ADGRL3: variants seen among roughly 807,000 people sequenced by gnomAD.
ADGRL3 encodes the protein calcium-independent alpha-latrotoxin receptor 3.
Under a neutral mutation model 153.5 loss-of-function variants are expected in ADGRL3, and 62 were observed. The observed-to-expected ratio is 0.40, with a 90% confidence interval of 0.33 to 0.50. The LOEUF (loss-of-function observed/expected upper bound fraction) is 0.50. Ranked by LOEUF, ADGRL3 falls within the 20% of genes least tolerant of loss-of-function variation. The pLI is 0.47. For missense variants in ADGRL3, 1,641 were observed against 1,859.4 expected (o/e 0.88, Z 2.16); for synonymous variants, 710 against 672.5 (o/e 1.06, Z -0.86).
chr4:61,261,682 G>C (rs957400095), intron 1 of ADGRL3, among the ~76,000 whole-genome samples: 1 of 152,080 alleles, frequency 6.6e-6, no homozygotes, highest in Non-Finnish European at 1.5e-5. Context: ...AGAGACAAAT[G>C]ATTAAAGAAA....
chr4:61,431,402 C>T (rs2097353984), intron 2 of ADGRL3, among the ~76,000 whole-genome samples: 1 of 152,154 alleles, frequency 6.6e-6, no homozygotes, highest in Non-Finnish European at 1.5e-5. Context: ...CTTTCAGAGG[C>T]TGAACGCTCA....
At chr4:61,398,123 A>G (rs1445690672) in intron 2 of ADGRL3, among the ~76,000 whole-genome samples, 1 of 151,944 alleles carries the variant, frequency 6.6e-6, no homozygotes, top group Non-Finnish European at 1.5e-5. Flanking sequence ...ACAATGTCTC[A>G]CTGAAACTGC....
chr4:61,388,455 C>T (rs1033198711), intron 2 of ADGRL3, among the ~76,000 whole-genome samples: 4 of 152,156 alleles, frequency 2.6e-5, no homozygotes, highest in Non-Finnish European at 4.4e-5. Context: ...AAATCCTATG[C>T]AGTAACATCA....
At chr4:61,546,308 T>C (rs2148718633) in intron 4 of ADGRL3, among the ~76,000 whole-genome samples, 1 of 152,352 alleles carries the variant, frequency 6.6e-6, no homozygotes, top group South Asian at 2.1e-4. Context: ...ACTATATGTC[T>C]GTATTACACC....
chr4:61,714,897 AG>A (rs1192410002), intron 6 of ADGRL3, among the ~76,000 whole-genome samples: 2 of 152,134 alleles, frequency 1.3e-5, no homozygotes, highest in Non-Finnish European at 2.9e-5. Context: ...TCAACTTTTT[AG>A]GGGATCCCAA....
At chr4:61,483,433 CTG>C (rs2098153034) in intron 2 of ADGRL3, among the ~76,000 whole-genome samples, 1 of 152,010 alleles carries the variant, frequency 6.6e-6, no homozygotes, top group African/African-American at 2.4e-5. Flanking sequence ...TTCTCTTGTG[CTG>C]TGTTATTAAA....
At chr4:61,744,046 C>T (rs2096619149) in intron 8 of ADGRL3, among the ~76,000 whole-genome samples, 1 of 152,206 alleles carries the variant, frequency 6.6e-6, no homozygotes, top group African/African-American at 2.4e-5. Context: ...AAAAACGGCA[C>T]ACCAGGAGAT....
At chr4:61,755,651 T>C (rs1435515068) in intron 8 of ADGRL3, among the ~76,000 whole-genome samples, 1 of 152,226 alleles carries the variant, frequency 6.6e-6, no homozygotes. Context: ...ATTTTGGCTT[T>C]GGTTGCCATT....
chr4:61,432,650 C>T (rs866735523), intron 2 of ADGRL3, among the ~76,000 whole-genome samples: 52 of 38,800 alleles, frequency 1.3e-3, no homozygotes, highest in Admixed American at 3.8e-3. Flanking sequence ...TTCTTTCTTT[C>T]TTTCTTTTTT....
chr4:61,783,588 A>G (rs1352008430), intron 8 of ADGRL3, among the ~76,000 whole-genome samples: 3 of 152,114 alleles, frequency 2.0e-5, no homozygotes, highest in Non-Finnish European at 4.4e-5. Context: ...TATTTTATTT[A>G]TTCAACATTT....
intron 1 of ADGRL3, among the ~76,000 whole-genome samples, chr4:61,279,215 G>C (rs1278137930): frequency 1.3e-5 from 2 of 152,122 alleles, no homozygotes; most frequent in Non-Finnish European, 2.9e-5. Flanking sequence ...AGCCAAATGG[G>C]TATCACTACT....
chr4:61,910,573 A>G (rs1233091247), intron 12 of ADGRL3, among the ~76,000 whole-genome samples: 1 of 151,732 alleles, frequency 6.6e-6, no homozygotes, highest in Non-Finnish European at 1.5e-5. Context: ...GCTACCTTCA[A>G]ATGACATGGG....
At chr4:61,895,185 C>T (rs1050829430) in intron 10 of ADGRL3, among the ~76,000 whole-genome samples, 3 of 152,038 alleles carry the variant, frequency 2.0e-5, no homozygotes, top group South Asian at 2.1e-4. Flanking sequence ...AAACAGTCCT[C>T]GGCTGGACAC....
chr4:61,650,730 C>T (rs1041239813), intron 5 of ADGRL3, among the ~76,000 whole-genome samples: 4 of 151,788 alleles, frequency 2.6e-5, no homozygotes, highest in Non-Finnish European at 4.4e-5. Flanking sequence ...TCTTTATAAA[C>T]GGAGGAGGAC....
In ADGRL3 at chr4:61,815,851, C is replaced by T. The variant is rs1320488532; in HGVS notation, c.1480+1962C>T. On this transcript the variant is annotated intron_variant, in intron 9 of 26. Coordinates refer to ENST00000683033, the MANE Select transcript of ADGRL3 (RefSeq NM_001387552.1). Reference sequence around the variant, plus strand: ...GAGGTGCCATCTTGGAAACAGAGAGCAGCCCTCACCAGACACTGAATCTGC... The same window carrying T: ...GAGGTGCCATCTTGGAAACAGAGAGTAGCCCTCACCAGACACTGAATCTGC... Among the ~76,000 whole-genome samples the T allele has an allele frequency of 2.6e-5, 4 of 152,146 alleles. No individual in the cohort carries two copies. In the South Asian group the frequency reaches 8.3e-4, roughly 32 times the overall value.
At chr4:61,385,518 GTGAATTTCACAGCTTCTCT>G (rs2096726120) in intron 2 of ADGRL3, 1 of 152,140 alleles carries the variant, frequency 6.6e-6, no homozygotes, top group Non-Finnish European at 1.5e-5. Context: ...CAACTCCTCC[GTGAATTTCACAGCTTCTCT>G]GAAGGTTTCA....
At chr4:62,023,653 C>G (rs994889018) in intron 21 of ADGRL3, among the ~76,000 whole-genome samples, 1 of 152,158 alleles carries the variant, frequency 6.6e-6, no homozygotes, top group African/African-American at 2.4e-5. Flanking sequence ...AACATCCAGA[C>G]AAGTCTCTCC....
chr4:61,288,918 T>G (rs2150115473), intron 1 of ADGRL3, among the ~76,000 whole-genome samples: 1 of 152,116 alleles, frequency 6.6e-6, no homozygotes, highest in African/African-American at 2.4e-5. Context: ...CTTGTTATAC[T>G]GGTGTGCTTC....
Position 61,948,210 on chromosome 4 carries a change from A to G in ADGRL3, c.2739A>G (p.Thr913=). The G allele has an allele frequency of 6.2e-7, 1 of 1,613,892 alleles. No individual in the cohort carries two copies. Among genetic ancestry groups the G allele is most frequent in the Non-Finnish European group, 8.5e-7 (1 of 1,179,850 alleles). ...QGCRLLTTNK[T]HTTCSCNHLT... is the part of the protein sequence containing the mutation. ...GTCGGCTCCTGACAACAAATAAGAC[A>G]CATACTACATGCTCTTGTAACCACC... Residue 913 remains threonine (T), a synonymous_variant, in exon 17 of 27, where the codon ACA becomes ACG. Transcript: ENST00000683033.
Sources: gnomAD v4.1 joint callset for allele counts (sites outside exome capture counted in the v4.1 genomes callset) on GRCh38, gnomAD v4.1.1 for gene constraint, MANE v1.5 for transcripts, NCBI Gene and HGNC (gene_info 2026-07-23, HGNC 2026-07-21) for gene names.